The following AP4S1 variants were observed in gnomAD, a reference collection of about 807,000 sequenced individuals.
AP4S1 encodes the protein AP-4 complex subunit sigma-1.
A neutral mutation model predicts 19.8 loss-of-function variants in AP4S1; 23 were observed. That is an observed-to-expected ratio of 1.16 (90% CI 0.84 to 1.65). AP4S1 has a LOEUF of 1.65. AP4S1 is among the 40% of genes most tolerant of loss of function. AP4S1 has a pLI of 0.00. For missense variants in AP4S1, 166 were observed against 172.8 expected (o/e 0.96, Z 0.22); for synonymous variants, 46 against 54.1 (o/e 0.85, Z 0.66).
chr14:31,077,152 G>C (rs185759189), intron 4 of AP4S1, among the ~76,000 whole-genome samples: 15 of 152,188 alleles, frequency 9.9e-5, no homozygotes, highest in African/African-American at 3.1e-4. Context: ...GGTCAGGCTC[G>C]TCTCGAACTC....
intron 5 of AP4S1, chr14:31,085,148 T>C: frequency 8.0e-7 from 1 of 1,243,634 alleles, no homozygotes; most frequent in African/African-American, 1.5e-5. Context: ...GCCAGCACCC[T>C]TTCCCCATCA....
intron 1 of AP4S1, among the ~76,000 whole-genome samples, chr14:31,038,804 A>T (rs929853430): frequency 1.3e-5 from 2 of 152,216 alleles, no homozygotes; most frequent in Non-Finnish European, 1.5e-5. Context: ...CCTAATGAGC[A>T]CTGTAAGCAC....
In AP4S1 at chr14:31,089,415, A is replaced by C. The variant is rs370130183; in HGVS notation, c.307-3492A>C. Among the ~76,000 whole-genome samples, 7 of 152,342 alleles carry C rather than the reference A, an allele frequency of 4.6e-5. No individual in the cohort carries two copies. In the South Asian group the frequency reaches 1.4e-3, roughly 32 times the overall value. ...AGCTAGAATATTTTTTAAAAAAAGA[A>C]ATAAAATGAGAAACCAAGGGATCTG... On this transcript the variant is annotated intron_variant, in intron 5 of 5. Transcript: ENST00000542754.
rs199757611 is a variant in AP4S1 at position 31,073,195 on chromosome 14, A to AC, written c.294+222_294+223insC. On this transcript the variant is annotated intron_variant, in intron 4 of 5. Transcript: ENST00000542754. ...CTTTATAAAGAACTGGAAAAAAAAA[A>AC]AAAAACCTCTTATAGCAGGGCGCGA... The AC allele has an allele frequency of 3.1e-3, 1,571 of 512,966 alleles. 16 individuals are homozygous for AC. The highest frequency in any genetic ancestry group is 0.016 in the South Asian group (799 of 48,678). 31.8% of individuals were successfully genotyped at this position (512,966 alleles called of 1,614,324 possible).
intron 5 of AP4S1, among the ~76,000 whole-genome samples, chr14:31,084,104 A>G (rs570788492): frequency 2.9e-4 from 44 of 152,376 alleles, no homozygotes; most frequent in African/African-American, 8.4e-4. Flanking sequence ...GAAAACTGCT[A>G]TAATGGCAAC....
At chr14:31,092,760 C>T in intron 5 of AP4S1, 147 bp from the exon 6 acceptor site, 2 of 578,818 alleles carry the variant, frequency 3.5e-6, no homozygotes, top group African/African-American at 1.9e-5. Flanking sequence ...ATATGGATGC[C>T]AGTTTTAAAT....
Position 31,088,514 on chromosome 14 carries a change from A to C in AP4S1, c.307-4393A>C, listed in dbSNP as rs572828906. ...AGGCCTTTAATGAAAACCTACTTTA[A>C]AAAAAGATAACAGCCAGGCGCGGTG... On this transcript the variant is annotated intron_variant, in intron 5 of 5. Transcript: ENST00000542754. Among the ~76,000 whole-genome samples, 309 of 152,222 alleles carry C rather than the reference A, an allele frequency of 2.0e-3. 1 individual carries two copies. The highest frequency in any genetic ancestry group is 3.7e-3 in the Non-Finnish European group (249 of 68,010).
intron 5 of AP4S1, chr14:31,083,552 T>A (rs1368795634): frequency 4.7e-6 from 2 of 424,584 alleles, no homozygotes; most frequent in Non-Finnish European, 9.0e-6. Context: ...TCACCCAGGC[T>A]GGAGTGCAGA....
intron 1 of AP4S1, among the ~76,000 whole-genome samples, chr14:31,030,733 A>G (rs368517118): frequency 6.6e-6 from 1 of 152,164 alleles, no homozygotes; most frequent in East Asian, 1.9e-4. Flanking sequence ...TGTGACCCAG[A>G]CACGTAATCT....
At chr14:31,060,681 T>C (rs1390145529) in intron 1 of AP4S1, among the ~76,000 whole-genome samples, 1 of 152,212 alleles carries the variant, frequency 6.6e-6, no homozygotes, top group Non-Finnish European at 1.5e-5. Flanking sequence ...CTTAGCTCAG[T>C]GCATAGTGGG....
chr14:31,075,999 G>T (rs557252081), intron 4 of AP4S1, among the ~76,000 whole-genome samples: 53 of 152,268 alleles, frequency 3.5e-4, no homozygotes, highest in African/African-American at 1.2e-3. Flanking sequence ...GCCTCCCAAA[G>T]TGCTGGGATT....
chr14:31,029,617 A>G lies in AP4S1; in HGVS notation c.-72+3830A>G, dbSNP rs181937260. On this transcript the variant is annotated intron_variant, in intron 1 of 5. Coordinates refer to ENST00000542754, the MANE Select transcript of AP4S1 (RefSeq NM_001128126.3). ...AGGATGGCTTAAGCCTAGGAATTCG[A>G]GACCAACCTGGGCAACATGGCAAAA... Among the ~76,000 whole-genome samples, 125 of 152,266 alleles carry G rather than the reference A, an allele frequency of 8.2e-4. 2 individuals are homozygous for G. Among genetic ancestry groups the G allele is most frequent in the East Asian group, 1.5e-3 (8 of 5,174 alleles).
chr14:31,033,013 A>G (rs1439209108), intron 1 of AP4S1: 3 of 152,200 alleles, frequency 2.0e-5, no homozygotes, highest in Admixed American at 2.0e-4. Flanking sequence ...TTCAGTAAGT[A>G]CTTAGTAGAA....
chr14:31,081,834 G>A lies in AP4S1; in HGVS notation c.306+1250G>A, dbSNP rs559767564. 2.8e-4 allele frequency among the ~76,000 whole-genome samples: 42 copies of A among 151,674 alleles called. 1 individual carries two copies. The highest frequency in any genetic ancestry group is 8.0e-4 in the African/African-American group (33 of 41,386). ...GGATGCAAAACTACTGGTTCTGGGC[G>A]TAGTGTCTGATGTGTATATATATGA... is the stretch of plus-strand genomic sequence containing the variant. On this transcript the variant is annotated intron_variant, in intron 5 of 5. Transcript: ENST00000542754.
At chr14:31,070,849 G>A (rs540150168) in intron 3 of AP4S1, among the ~76,000 whole-genome samples, 1 of 152,260 alleles carries the variant, frequency 6.6e-6, no homozygotes, top group South Asian at 2.1e-4. Flanking sequence ...TCAGGAGATC[G>A]AGACCATCCT....
intron 5 of AP4S1, among the ~76,000 whole-genome samples, chr14:31,091,237 C>T (rs945470864): frequency 3.3e-5 from 5 of 152,180 alleles, no homozygotes; most frequent in African/African-American, 9.7e-5. Flanking sequence ...AGAAAGTTAT[C>T]TTGGAGAAGG....
At chr14:31,051,669 A>G (rs1209986838) in intron 1 of AP4S1, among the ~76,000 whole-genome samples, 2 of 152,052 alleles carry the variant, frequency 1.3e-5, no homozygotes, top group African/African-American at 4.8e-5. Context: ...CAATTTATTT[A>G]TTTATTTATG....
chr14:31,050,816 C>T (rs577140539), intron 1 of AP4S1, among the ~76,000 whole-genome samples: 2 of 152,294 alleles, frequency 1.3e-5, no homozygotes, highest in South Asian at 2.1e-4. Flanking sequence ...CTCCCCTCCA[C>T]GATACCATGT....
intron 1 of AP4S1, among the ~76,000 whole-genome samples, chr14:31,052,618 C>T (rs1199867287): frequency 2.0e-5 from 3 of 150,510 alleles, no homozygotes; most frequent in African/African-American, 7.3e-5. Context: ...ATCCCAGCTA[C>T]TTGGGAGGCT....
Sources: gnomAD v4.1 joint callset for allele counts (sites outside exome capture counted in the v4.1 genomes callset) on GRCh38, gnomAD v4.1.1 for gene constraint, MANE v1.5 for transcripts, NCBI Gene and HGNC (gene_info 2026-07-23, HGNC 2026-07-21) for gene names.